The following SMCO2 variants were observed in gnomAD, a reference collection of about 807,000 sequenced individuals.
SMCO2 encodes the protein single-pass membrane protein with coiled-coil domains 2, also known as single-pass membrane and coiled-coil domain-containing protein 2.
Under a neutral mutation model 29.5 loss-of-function variants are expected in SMCO2, and 25 were observed. The ratio of observed to expected loss-of-function variants is 0.85; its 90% CI spans 0.62 to 1.18. SMCO2 has a LOEUF of 1.18. Among genes scored for constraint, SMCO2 ranks in the 50% most tolerant of loss-of-function variants. The pLI, the probability that SMCO2 is intolerant of heterozygous loss-of-function variation, is 0.00. For synonymous variants in SMCO2, 117 were observed against 123.3 expected, an observed-to-expected ratio of 0.95 and a Z score of 0.34; for missense variants, 348 against 344.5, an observed-to-expected ratio of 1.01 and a Z score of -0.08.
At chr12:27,431,263 T>C in the SMCO2 span, among the ~76,000 whole-genome samples, 1 of 152,116 alleles carries the variant, frequency 6.6e-6, no homozygotes, top group Non-Finnish European at 1.5e-5. Flanking sequence ...GTGATCCGAC[T>C]TCCCAAAGTG....
intron 6 of SMCO2, among the ~76,000 whole-genome samples, chr12:27,495,302 T>C (rs1026479199): frequency 1.4e-5 from 2 of 141,154 alleles, no homozygotes; most frequent in African/African-American, 5.8e-5. Flanking sequence ...TAATAGATTG[T>C]ATTCTTTGTC....
At chr12:27,459,195 A>G in the SMCO2 span, among the ~76,000 whole-genome samples, 1 of 151,820 alleles carries the variant, frequency 6.6e-6, no homozygotes, top group Non-Finnish European at 1.5e-5. Context: ...TCAAAAAAAA[A>G]AAAAAAAAAA....
At chr12:27,461,061 C>T in the SMCO2 span, among the ~76,000 whole-genome samples, 3 of 152,132 alleles carry the variant, frequency 2.0e-5, no homozygotes, top group Non-Finnish European at 2.9e-5. Context: ...GAAACCACCC[C>T]GCATGTTCAC....
the SMCO2 span, among the ~76,000 whole-genome samples, chr12:27,452,387 C>T: frequency 6.6e-6 from 1 of 152,210 alleles, no homozygotes; most frequent in Non-Finnish European, 1.5e-5. Context: ...TATCTTTCCA[C>T]ATTCTACCAC....
At chr12:27,428,974 G>C in the SMCO2 span, among the ~76,000 whole-genome samples, 116,364 of 151,894 alleles carry the variant, frequency 0.77, 44,887 homozygotes, top group Middle Eastern at 0.9. Context: ...ACATGTAGAC[G>C]AATATCACAT....
At chr12:27,466,790 G>T (rs569724462), upstream of SMCO2, 1 of 152,458 alleles carries the variant, frequency 6.6e-6, no homozygotes, top group South Asian at 2.1e-4. Context: ...GTTATAAAGG[G>T]AAAGTCCAGC....
At chr12:27,448,297 C>T in the SMCO2 span, among the ~76,000 whole-genome samples, 2 of 152,148 alleles carry the variant, frequency 1.3e-5, no homozygotes, top group African/African-American at 4.8e-5. Flanking sequence ...GATGTAAACC[C>T]AGAATGCTAT....
intron 2 of SMCO2, among the ~76,000 whole-genome samples, chr12:27,471,713 T>C (rs1050185770): frequency 4.6e-5 from 7 of 152,110 alleles, no homozygotes; most frequent in African/African-American, 1.7e-4. Context: ...ACCTCACACA[T>C]AAAATGAGAC....
intron 4 of SMCO2, among the ~76,000 whole-genome samples, chr12:27,481,104 C>T (rs1047188150): frequency 1.3e-5 from 2 of 152,098 alleles, no homozygotes; most frequent in East Asian, 1.9e-4. Context: ...TCTGGGTGCA[C>T]GTAGAGGGAT....
the SMCO2 span, among the ~76,000 whole-genome samples, chr12:27,461,426 T>G: frequency 3.7e-4 from 57 of 152,162 alleles, no homozygotes; most frequent in Non-Finnish European, 7.8e-4. Context: ...CTTCAAGTAG[T>G]CCCCAGCGTC....
intron 5 of SMCO2, among the ~76,000 whole-genome samples, chr12:27,491,152 C>T (rs969587354): frequency 6.6e-6 from 1 of 152,000 alleles, no homozygotes; most frequent in African/African-American, 2.4e-5. Context: ...CATATATTGG[C>T]TCACTTATTC....
intron 7 of SMCO2, among the ~76,000 whole-genome samples, chr12:27,500,300 C>A (rs1295359801): frequency 6.7e-6 from 1 of 149,348 alleles, no homozygotes; most frequent in Non-Finnish European, 1.5e-5. Context: ...TTAACTGTAC[C>A]AAGAGTATTT....
At chr12:27,460,424 T>C in the SMCO2 span, among the ~76,000 whole-genome samples, 1 of 152,206 alleles carries the variant, frequency 6.6e-6, no homozygotes, top group Non-Finnish European at 1.5e-5. Flanking sequence ...TTATTTGTAT[T>C]ATATACCATA....
At position 27,486,388 on chromosome 12, in the gene SMCO2, C is replaced by T. The variant is rs562985728; in HGVS notation, c.363-2072C>T. The stretch of plus-strand genomic sequence containing the variant: ...TGACTTGAAGTCGGGAAACTCTTTC[C>T]AGGAGTAACTTGAAGTAACTATAGA... On this transcript the variant is annotated intron_variant, in intron 4 of 7. Coordinates refer to ENST00000298876, the Ensembl canonical transcript of SMCO2. Among the ~76,000 whole-genome samples the T allele has an allele frequency of 2.0e-5, 3 of 152,330 alleles. No individual in the cohort carries two copies. In the East Asian group the frequency reaches 5.8e-4, roughly 29 times the overall value.
exon 4 of SMCO2, chr12:27,474,894 A>G (rs1949571633): frequency 6.4e-7 from 1 of 1,551,352 alleles, no homozygotes; most frequent in African/African-American, 1.4e-5. Context: ...GCAGTTTTCA[A>G]AGAAGAACCT....
chr12:27,494,086 A>C, intron 5 of SMCO2: 1 of 341,014 alleles, frequency 2.9e-6, no homozygotes, highest in East Asian at 5.2e-5. Flanking sequence ...AAAGTATTGA[A>C]AATAATCTTG....
At chr12:27,463,881 G>A (rs1949477224), upstream of SMCO2, among the ~76,000 whole-genome samples, 1 of 152,202 alleles carries the variant, frequency 6.6e-6, no homozygotes, top group Non-Finnish European at 1.5e-5. Context: ...CAAATGCAGA[G>A]TGAAGAAATC....
chr12:27,468,898 T>C (rs1010898268), intron 1 of SMCO2, among the ~76,000 whole-genome samples: 1 of 152,218 alleles, frequency 6.6e-6, no homozygotes, highest in Non-Finnish European at 1.5e-5. Context: ...AGGTACTTTG[T>C]AATCTGTTAG....
At chr12:27,435,882 C>T in the SMCO2 span, among the ~76,000 whole-genome samples, 3 of 152,216 alleles carry the variant, frequency 2.0e-5, no homozygotes, top group Admixed American at 1.3e-4. Flanking sequence ...TCTATCTTTT[C>T]CATTCCTACT....
Sources: allele counts gnomAD v4.1 joint callset (sites outside exome capture counted in the v4.1 genomes callset), GRCh38; gene constraint gnomAD v4.1.1; transcripts MANE v1.5; gene names NCBI Gene and HGNC (gene_info 2026-07-23, HGNC 2026-07-21).